Variants in TTC28 observed in about 807,000 individuals in gnomAD.
TTC28 encodes tetratricopeptide repeat domain 28.
In TTC28, 61 loss-of-function variants were observed where a neutral mutation model predicts 198.0. That is an observed-to-expected ratio of 0.31 (90% CI 0.25 to 0.38). The LOEUF (loss-of-function observed/expected upper bound fraction) is 0.38, where lower values mean the gene tolerates loss of function less well. TTC28 is among the 10% of genes least tolerant of loss of function. The pLI is 1.00. For synonymous variants in TTC28, 1,171 were observed against 1,297.8 expected (o/e 0.90, Z 2.10); for missense variants, 2,678 against 3,164.0 (o/e 0.85, Z 3.69).
intron 1 of TTC28, among the ~76,000 whole-genome samples, chr22:28,637,755 T>TAA (rs75441137): frequency 1.4e-5 from 2 of 142,174 alleles, no homozygotes. Flanking sequence ...ATTTTTAAAT[T>TAA]AAAAAAAAAA....
intron 5 of TTC28, among the ~76,000 whole-genome samples, chr22:28,260,449 G>A (rs1569226720): frequency 6.6e-6 from 1 of 151,644 alleles, no homozygotes; most frequent in Admixed American, 6.6e-5. Flanking sequence ...AGACATCTGG[G>A]GAAAAAAACA....
chr22:28,074,203 A>G (rs919764054), intron 12 of TTC28, among the ~76,000 whole-genome samples: 2 of 152,266 alleles, frequency 1.3e-5, no homozygotes, highest in African/African-American at 4.8e-5. Context: ...TGATTGTTAC[A>G]TAAAGTTTTA....
At chr22:28,225,505 T>C (rs571747541) in intron 5 of TTC28, among the ~76,000 whole-genome samples, 4 of 152,266 alleles carry the variant, frequency 2.6e-5, no homozygotes, top group East Asian at 3.9e-4. Context: ...ACTCTTCAAA[T>C]TGAGATCAAC....
At chr22:28,356,050 A>G (rs1044581912) in intron 2 of TTC28, among the ~76,000 whole-genome samples, 12 of 152,214 alleles carry the variant, frequency 7.9e-5, no homozygotes, top group African/African-American at 2.7e-4. Flanking sequence ...AGCAAAAATG[A>G]TATGATAGAT....
In TTC28 at chr22:28,642,037, A is replaced by C. The variant is rs573049181; in HGVS notation, c.103-12207T>G. ...CTGATGGCTTAGATGTTGCTCATCTATACATGACACACCATATCAAGGTTT... is the reference window on the plus strand; with the variant it reads ...CTGATGGCTTAGATGTTGCTCATCTCTACATGACACACCATATCAAGGTTT... On this transcript the variant is annotated intron_variant, in intron 1 of 22. Coordinates refer to ENST00000397906, the MANE Select transcript of TTC28 (RefSeq NM_001145418.2). 2.6e-5 allele frequency among the ~76,000 whole-genome samples: 4 copies of C among 152,252 alleles called. No individual in the cohort carries two copies. In the South Asian group the frequency reaches 6.2e-4, roughly 24 times the overall value.
intron 2 of TTC28, among the ~76,000 whole-genome samples, chr22:28,590,529 G>C (rs900534069): frequency 2.0e-5 from 3 of 152,114 alleles, no homozygotes; most frequent in Admixed American, 2.0e-4. Context: ...AAGGCCGGAG[G>C]ACTGCTTGAG....
At chr22:28,491,902 C>T (rs2048385146) in intron 2 of TTC28, among the ~76,000 whole-genome samples, 1 of 152,166 alleles carries the variant, frequency 6.6e-6, no homozygotes, top group Non-Finnish European at 1.5e-5. Context: ...AAATGTGGCA[C>T]ATATACACCA....
At chr22:28,595,648 A>T (rs1478565772) in intron 2 of TTC28, among the ~76,000 whole-genome samples, 1 of 152,212 alleles carries the variant, frequency 6.6e-6, no homozygotes, top group Non-Finnish European at 1.5e-5. Context: ...ATATGTGACC[A>T]GGCGCAGTGA....
chr22:28,077,569 A>C (rs1941209456), intron 12 of TTC28, among the ~76,000 whole-genome samples: 1 of 152,220 alleles, frequency 6.6e-6, no homozygotes, highest in Admixed American at 6.5e-5. Context: ...TCCAATACTC[A>C]ATATTGTCAG....
At chr22:28,452,688 G>T (rs970095153) in intron 2 of TTC28, among the ~76,000 whole-genome samples, 4 of 152,134 alleles carry the variant, frequency 2.6e-5, no homozygotes, top group East Asian at 3.9e-4. Flanking sequence ...GACAGGGGCG[G>T]TTAGGGAGGT....
chr22:28,019,812 A>C (rs1305648321), intron 13 of TTC28, among the ~76,000 whole-genome samples: 1 of 152,198 alleles, frequency 6.6e-6, no homozygotes, highest in Admixed American at 6.5e-5. Context: ...GCTTGCTAGA[A>C]TGGGAGCTTT....
At chr22:28,084,360 C>T (rs951227713) in intron 12 of TTC28, among the ~76,000 whole-genome samples, 30 of 152,260 alleles carry the variant, frequency 2.0e-4, no homozygotes, top group Non-Finnish European at 3.2e-4. Flanking sequence ...CACCAATATC[C>T]GCTGTTCTGC....
intron 6 of TTC28, among the ~76,000 whole-genome samples, chr22:28,115,828 C>T (rs1162586346): frequency 2.0e-5 from 3 of 152,222 alleles, no homozygotes; most frequent in African/African-American, 7.2e-5. Context: ...TTGGTGGCCA[C>T]TTCTGTTCCA....
At chr22:28,268,094 AT>A (rs1487052524) in intron 5 of TTC28, among the ~76,000 whole-genome samples, 3 of 152,238 alleles carry the variant, frequency 2.0e-5, no homozygotes, top group African/African-American at 7.2e-5. Flanking sequence ...AATGGAGGAT[AT>A]GAACCAGATT....
intron 5 of TTC28, among the ~76,000 whole-genome samples, chr22:28,169,049 G>A (rs1922352410): frequency 6.6e-6 from 1 of 152,176 alleles, no homozygotes; most frequent in Admixed American, 6.5e-5. Context: ...AGACATTTAT[G>A]CAGCCAAAAA....
At chr22:28,255,816 CA>C (rs1268881549) in intron 5 of TTC28, among the ~76,000 whole-genome samples, 2 of 151,170 alleles carry the variant, frequency 1.3e-5, no homozygotes, top group Non-Finnish European at 2.9e-5. Context: ...TGATGACCTG[CA>C]AAAAAAACAT....
intron 5 of TTC28, among the ~76,000 whole-genome samples, chr22:28,271,697 T>C (rs567260854): frequency 5.3e-4 from 80 of 152,238 alleles, no homozygotes; most frequent in Non-Finnish European, 8.5e-4. Context: ...CTCTGCCTCC[T>C]GGGTTCAAAC....
At chr22:28,630,820 T>G (rs2051161434) in intron 1 of TTC28, among the ~76,000 whole-genome samples, 1 of 152,236 alleles carries the variant, frequency 6.6e-6, no homozygotes, top group African/African-American at 2.4e-5. Context: ...ATATTTGTAT[T>G]TGTATTTGTT....
intron 2 of TTC28, among the ~76,000 whole-genome samples, chr22:28,626,862 A>T (rs2051084160): frequency 6.6e-6 from 1 of 152,118 alleles, no homozygotes; most frequent in Admixed American, 6.5e-5. Flanking sequence ...ATTATCCTAA[A>T]AGGGTGATTA....
Sources: gnomAD v4.1 joint callset for allele counts (sites outside exome capture counted in the v4.1 genomes callset) on GRCh38, gnomAD v4.1.1 for gene constraint, MANE v1.5 for transcripts, NCBI Gene and HGNC (gene_info 2026-07-23, HGNC 2026-07-21) for gene names.